Variants in SDK1 observed in about 807,000 individuals in gnomAD.
The protein encoded by SDK1 is sidekick cell adhesion molecule 1.
Under a neutral mutation model 245.5 loss-of-function variants are expected in SDK1, and 157 were observed. The observed-to-expected ratio is 0.64, with a 90% CI of 0.56 to 0.73. The LOEUF (loss-of-function observed/expected upper bound fraction) is 0.73. Among genes scored for constraint, SDK1 ranks in the 30% least tolerant of loss-of-function variants. SDK1 has a pLI of 0.00. For missense variants in SDK1, 3,583 were observed against 3,002.3 expected (o/e 1.19, Z -4.52); for synonymous variants, 1,647 against 1,278.5 (o/e 1.29, Z -6.15).
At chr7:3,468,675 A>T (rs886847071) in intron 1 of SDK1, among the ~76,000 whole-genome samples, 1 of 152,186 alleles carries the variant, frequency 6.6e-6, no homozygotes, top group Non-Finnish European at 1.5e-5. Flanking sequence ...GGCCAGGAAG[A>T]ATCCTGCTGG....
chr7:3,385,371 A>C (rs538941796), intron 1 of SDK1, among the ~76,000 whole-genome samples: 3 of 152,198 alleles, frequency 2.0e-5, no homozygotes, highest in Non-Finnish European at 4.4e-5. Context: ...TCATATATAT[A>C]GGGGAAGAAA....
At chr7:3,911,157 G>C (rs1329448624) in intron 5 of SDK1, among the ~76,000 whole-genome samples, 1 of 152,184 alleles carries the variant, frequency 6.6e-6, no homozygotes, top group Non-Finnish European at 1.5e-5. Context: ...AAAAATTACA[G>C]ATAAACCTGA....
intron 40 of SDK1, among the ~76,000 whole-genome samples, chr7:4,223,948 A>G (rs140637122): frequency 1.4e-4 from 22 of 152,316 alleles, no homozygotes; most frequent in African/African-American, 5.1e-4. Flanking sequence ...CTTGTTGGCT[A>G]ATGAGTCCAT....
At chr7:3,914,887 C>T (rs902696486) in intron 5 of SDK1, among the ~76,000 whole-genome samples, 2 of 152,190 alleles carry the variant, frequency 1.3e-5, no homozygotes, top group Non-Finnish European at 2.9e-5. Flanking sequence ...TTTCAAAAGT[C>T]GTCGAAAGCG....
chr7:3,955,849 C>A (rs1200169047), intron 7 of SDK1, among the ~76,000 whole-genome samples: 1 of 152,152 alleles, frequency 6.6e-6, no homozygotes, highest in East Asian at 1.9e-4. Flanking sequence ...AGAGTGAGGT[C>A]ATTTGACAGA....
At chr7:3,975,794 T>C (rs7778547) in intron 13 of SDK1, among the ~76,000 whole-genome samples, 109,951 of 152,078 alleles carry the variant, frequency 0.72, 40,862 homozygotes, top group African/African-American at 0.9. Context: ...TCTCTTTAGA[T>C]AGCAGAGGTA....
chr7:3,460,930 GAC>G (rs890657938), intron 1 of SDK1, among the ~76,000 whole-genome samples: 3 of 152,158 alleles, frequency 2.0e-5, no homozygotes, highest in African/African-American at 4.8e-5. Context: ...CTTTGACAGA[GAC>G]ACGTTTCTTA....
rs142969922 is a variant in SDK1, at chr7:3,695,831, G to C, written c.713+53726G>C. On this transcript the variant is annotated intron_variant, in intron 4 of 44. Coordinates refer to ENST00000404826, the MANE Select transcript of SDK1 (RefSeq NM_152744.4). ...AGTAGAGGGCAGAGGAAGACCAGCA[G>C]TGTAATCACCTGGAAGTCATCACCC... Among the ~76,000 whole-genome samples, 208 of 152,330 alleles carry C rather than the reference G, an allele frequency of 1.4e-3. 1 individual carries two copies. Among genetic ancestry groups the C allele is most frequent in the African/African-American group, 4.8e-3 (199 of 41,584 alleles).
chr7:3,864,771 A>G (rs929310982), intron 5 of SDK1, among the ~76,000 whole-genome samples: 4 of 152,178 alleles, frequency 2.6e-5, no homozygotes, highest in Admixed American at 6.5e-5. Context: ...AAATTCACCA[A>G]TTAGCTCAGT....
chr7:4,201,722 A>G (rs1434985304), intron 35 of SDK1, among the ~76,000 whole-genome samples: 2 of 150,004 alleles, frequency 1.3e-5, no homozygotes, highest in African/African-American at 4.9e-5. Flanking sequence ...AGCATGGCAC[A>G]GGGTGGCTTT....
At chr7:3,502,547 C>A (rs753242167) in intron 1 of SDK1, among the ~76,000 whole-genome samples, 1 of 152,098 alleles carries the variant, frequency 6.6e-6, no homozygotes, top group Non-Finnish European at 1.5e-5. Context: ...CCATTCCCAG[C>A]CAGGATGATT....
intron 5 of SDK1, among the ~76,000 whole-genome samples, chr7:3,865,255 G>A (rs1780793010): frequency 6.6e-6 from 1 of 152,196 alleles, no homozygotes; most frequent in Non-Finnish European, 1.5e-5. Context: ...TGGGAGGCCT[G>A]GTGATCCTCC....
At chr7:3,649,396 G>A (rs1439098240) in intron 4 of SDK1, among the ~76,000 whole-genome samples, 3 of 151,916 alleles carry the variant, frequency 2.0e-5, no homozygotes, top group African/African-American at 2.4e-5. Context: ...AAGAGAGTTC[G>A]TGGGCCCCTC....
chr7:3,771,695 A>T (rs575011834), intron 4 of SDK1, among the ~76,000 whole-genome samples: 3 of 152,284 alleles, frequency 2.0e-5, no homozygotes, highest in African/African-American at 7.2e-5. Context: ...GCATTTTTCA[A>T]ATGTCCTTTT....
At chr7:3,991,075 C>A (rs564174319) in intron 14 of SDK1, among the ~76,000 whole-genome samples, 2 of 152,246 alleles carry the variant, frequency 1.3e-5, no homozygotes, top group Non-Finnish European at 2.9e-5. Context: ...ATCGATGCAG[C>A]CTCCACGTCG....
At chr7:3,357,469 G>A (rs6462035) in intron 1 of SDK1, among the ~76,000 whole-genome samples, 89,367 of 149,552 alleles carry the variant, frequency 0.6, 27,522 homozygotes, top group African/African-American at 0.77. Flanking sequence ...TCCCACCTCA[G>A]TCTCCCTGGC....
At chr7:3,443,357 C>T (rs74842200) in intron 1 of SDK1, among the ~76,000 whole-genome samples, 2,167 of 152,124 alleles carry the variant, frequency 0.014, 17 homozygotes, top group Non-Finnish European at 0.021. Flanking sequence ...GCTTGCAAAC[C>T]GTTTATGTCA....
At chr7:3,503,325 G>A (rs1782277129) in intron 1 of SDK1, among the ~76,000 whole-genome samples, 1 of 152,158 alleles carries the variant, frequency 6.6e-6, no homozygotes, top group Non-Finnish European at 1.5e-5. Flanking sequence ...TACATTTTCA[G>A]CTAATGATGA....
chr7:4,024,934 A>G (rs1583862876), intron 17 of SDK1, among the ~76,000 whole-genome samples: 1 of 151,734 alleles, frequency 6.6e-6, no homozygotes, highest in South Asian at 2.1e-4. Context: ...CGTGCTTCTC[A>G]CTCTGCCGCC....
Sources: allele counts gnomAD v4.1 joint callset (sites outside exome capture counted in the v4.1 genomes callset), GRCh38; gene constraint gnomAD v4.1.1; transcripts MANE v1.5; gene names NCBI Gene and HGNC (gene_info 2026-07-23, HGNC 2026-07-21).